The following FAM110B variants were observed in gnomAD, a reference collection of about 807,000 sequenced individuals.
FAM110B encodes protein FAM110B.
FAM110B carries 6 observed loss-of-function variants against 20.4 expected under a neutral mutation model. That is an observed-to-expected ratio of 0.29 (90% CI 0.16 to 0.58). The LOEUF is 0.58. Among genes scored for constraint, FAM110B ranks in the 20% least tolerant of loss-of-function variants. FAM110B has a pLI of 0.90. For missense variants in FAM110B, 434 were observed against 498.2 expected, an observed-to-expected ratio of 0.87 and a Z score of 1.23; for synonymous variants, 226 against 214.1, an observed-to-expected ratio of 1.06 and a Z score of -0.49.
intron 3 of FAM110B, among the ~76,000 whole-genome samples, chr8:58,105,670 G>A (rs558618061): frequency 3.7e-5 from 5 of 136,304 alleles, no homozygotes; most frequent in South Asian, 4.8e-4. Context: ...CCAGGTTCAC[G>A]CCATTCTCCT....
chr8:58,010,337 T>G (rs1179124527), intron 1 of FAM110B, among the ~76,000 whole-genome samples: 1 of 152,084 alleles, frequency 6.6e-6, no homozygotes, highest in South Asian at 2.1e-4. Flanking sequence ...TCTCAGTTCT[T>G]GATGGTTGTG....
At chr8:58,110,052 G>T (rs1807024113) in intron 3 of FAM110B, among the ~76,000 whole-genome samples, 2 of 152,306 alleles carry the variant, frequency 1.3e-5, no homozygotes, top group South Asian at 4.1e-4. Context: ...GAAAAGCTAA[G>T]ATATGGGACA....
intron 2 of FAM110B, among the ~76,000 whole-genome samples, chr8:58,073,289 A>G (rs752715163): frequency 8.5e-5 from 13 of 152,184 alleles, no homozygotes; most frequent in Non-Finnish European, 1.8e-4. Flanking sequence ...AGAGAGACAT[A>G]GTTTGGTGAT....
At chr8:58,111,179 A>T (rs1441113683) in intron 3 of FAM110B, among the ~76,000 whole-genome samples, 1 of 152,174 alleles carries the variant, frequency 6.6e-6, no homozygotes, top group African/African-American at 2.4e-5. Context: ...CATAAAGCAA[A>T]CTTCCAAATA....
At chr8:58,033,638 A>C (rs1316322657) in intron 2 of FAM110B, among the ~76,000 whole-genome samples, 2 of 152,202 alleles carry the variant, frequency 1.3e-5, no homozygotes, top group Non-Finnish European at 2.9e-5. Flanking sequence ...AGGAGACATA[A>C]CAAGCAGCCA....
intron 3 of FAM110B, among the ~76,000 whole-genome samples, chr8:58,097,695 G>A (rs1369638508): frequency 6.6e-6 from 1 of 152,124 alleles, no homozygotes; most frequent in Non-Finnish European, 1.5e-5. Context: ...TCTACCTTTG[G>A]TCTTTGATGT....
chr8:58,007,983 C>T (rs1804447071), intron 1 of FAM110B, among the ~76,000 whole-genome samples: 2 of 152,068 alleles, frequency 1.3e-5, no homozygotes, highest in Non-Finnish European at 2.9e-5. Flanking sequence ...TTTCTATCAA[C>T]AAGAAGGTAA....
intron 3 of FAM110B, among the ~76,000 whole-genome samples, chr8:58,144,687 A>G (rs938919289): frequency 2.0e-5 from 3 of 152,232 alleles, no homozygotes; most frequent in Non-Finnish European, 4.4e-5. Flanking sequence ...TGTTAGTTGA[A>G]TAGGTTACTC....
chr8:58,025,573 A>G (rs574757102), intron 1 of FAM110B, among the ~76,000 whole-genome samples: 1 of 152,300 alleles, frequency 6.6e-6, no homozygotes, highest in South Asian at 2.1e-4. Flanking sequence ...GCAGGAGGGC[A>G]TGGTCACAAC....
intron 1 of FAM110B, among the ~76,000 whole-genome samples, chr8:58,016,043 C>T (rs906244556): frequency 1.3e-5 from 2 of 152,016 alleles, no homozygotes; most frequent in African/African-American, 4.8e-5. Context: ...AATCTTAATA[C>T]CTCACGAAAA....
intron 3 of FAM110B, among the ~76,000 whole-genome samples, chr8:58,123,215 G>A (rs1161281203): frequency 1.3e-5 from 2 of 152,104 alleles, no homozygotes; most frequent in Non-Finnish European, 2.9e-5. Context: ...ATATTAGGGT[G>A]GGGTTTCAGG....
At chr8:58,063,870 T>G (rs895591935) in intron 2 of FAM110B, among the ~76,000 whole-genome samples, 8 of 152,204 alleles carry the variant, frequency 5.3e-5, no homozygotes, top group African/African-American at 1.9e-4. Context: ...TATTAGTCTG[T>G]GCTCGCATTG....
chr8:58,067,331 G>A (rs935125272), intron 2 of FAM110B, among the ~76,000 whole-genome samples: 1 of 152,224 alleles, frequency 6.6e-6, no homozygotes, highest in Non-Finnish European at 1.5e-5. Flanking sequence ...AGGAAGAGTA[G>A]ATGAGGGTTT....
intron 2 of FAM110B, among the ~76,000 whole-genome samples, chr8:58,075,275 T>TTTTTTGTGTGTGTGTGTGTGTGTGTGTG (rs1554521068): frequency 1.4e-5 from 2 of 141,666 alleles, no homozygotes; most frequent in African/African-American, 5.7e-5. Flanking sequence ...TTTTTTTTTT[T>TTTTTTGTGTGTGTGTGTGTGTGTGTGTG]TGTGTGTGTG....
chr8:58,146,027 G>C lies in FAM110B; in HGVS notation c.-204G>C, dbSNP rs1803854452. The C allele has an allele frequency of 1.9e-6, 1 of 539,248 alleles. No homozygotes were observed. The highest frequency in any genetic ancestry group is 3.6e-5 in the Admixed American group (1 of 28,128). 33.4% of individuals were successfully genotyped at this position (539,248 alleles called of 1,614,324 possible). On this transcript the variant is annotated 5_prime_UTR_variant, in exon 4 of 4. Coordinates refer to ENST00000519262, the MANE Select transcript of FAM110B (RefSeq NM_001377989.1). ...CTTGTGGCCTTTTTGTGCAAGGGCC[G>C]CCTGGAAGGGGAGAAAAGTGTATGA... is the stretch of plus-strand genomic sequence containing the variant.
At chr8:58,086,218 T>A (rs1183276291) in intron 3 of FAM110B, among the ~76,000 whole-genome samples, 1 of 152,204 alleles carries the variant, frequency 6.6e-6, no homozygotes, top group Non-Finnish European at 1.5e-5. Context: ...AGAGCATCTC[T>A]CTTACTTTTA....
chr8:58,139,396 A>G (rs564475836), intron 3 of FAM110B, among the ~76,000 whole-genome samples: 10 of 152,296 alleles, frequency 6.6e-5, no homozygotes, highest in Admixed American at 1.3e-4. Flanking sequence ...GTAATTGGAA[A>G]AGTGCAGGTC....
At chr8:58,013,193 T>C (rs903423287) in intron 1 of FAM110B, among the ~76,000 whole-genome samples, 1 of 152,252 alleles carries the variant, frequency 6.6e-6, no homozygotes, top group Non-Finnish European at 1.5e-5. Flanking sequence ...CTCTCTTTAC[T>C]GCACTAGATG....
chr8:58,113,201 CT>C (rs1455416866), intron 3 of FAM110B: 4 of 152,138 alleles, frequency 2.6e-5, no homozygotes, highest in African/African-American at 9.7e-5. Context: ...ATGTCTGCAT[CT>C]TTTCAATTGT....
Sources: gnomAD v4.1 joint callset for allele counts (sites outside exome capture counted in the v4.1 genomes callset) on GRCh38, gnomAD v4.1.1 for gene constraint, MANE v1.5 for transcripts, NCBI Gene and HGNC (gene_info 2026-07-23, HGNC 2026-07-21) for gene names.